ZMYND11: variants seen among roughly 807,000 people sequenced by gnomAD.
The protein encoded by ZMYND11 is zinc finger MYND domain-containing protein 11.
Under a neutral mutation model 84.9 loss-of-function variants are expected in ZMYND11, and 9 were observed. The ratio of observed to expected loss-of-function variants is 0.11; its 90% confidence interval spans 0.06 to 0.18. The LOEUF is 0.18. Among genes scored for constraint, ZMYND11 ranks in the 10% least tolerant of loss-of-function variants. The pLI, the probability that ZMYND11 is intolerant of heterozygous loss-of-function variation, is 1.00. For missense variants in ZMYND11, 409 were observed against 761.0 expected, an observed-to-expected ratio of 0.54 and a Z score of 5.44; for synonymous variants, 250 against 244.1, an observed-to-expected ratio of 1.02 and a Z score of -0.23.
At chr10:176,074 T>G (rs1331144540) in intron 1 of ZMYND11, among the ~76,000 whole-genome samples, 2 of 152,206 alleles carry the variant, frequency 1.3e-5, no homozygotes, top group Non-Finnish European at 2.9e-5. Context: ...TTAATTTTGC[T>G]TATTCTTAAG....
intron 2 of ZMYND11, among the ~76,000 whole-genome samples, chr10:195,040 C>G (rs574373583): frequency 6.6e-6 from 1 of 152,162 alleles, no homozygotes; most frequent in East Asian, 1.9e-4. Flanking sequence ...TAAGTGTTGC[C>G]AATAGATTTT....
intron 1 of ZMYND11, among the ~76,000 whole-genome samples, chr10:152,669 C>T (rs1234310781): frequency 6.6e-6 from 1 of 152,166 alleles, no homozygotes; most frequent in Non-Finnish European, 1.5e-5. Flanking sequence ...AGAAAGTCAA[C>T]AAGGATATCC....
chr10:212,261 T>C (rs1056739729), intron 3 of ZMYND11, among the ~76,000 whole-genome samples: 1 of 152,134 alleles, frequency 6.6e-6, no homozygotes, highest in African/African-American at 2.4e-5. Flanking sequence ...TGTTCTAATT[T>C]TTATTTTTAT....
At chr10:175,166 G>T (rs540636438) in intron 1 of ZMYND11, among the ~76,000 whole-genome samples, 2 of 152,320 alleles carry the variant, frequency 1.3e-5, no homozygotes, top group East Asian at 3.9e-4. Context: ...TCTGGTGTGG[G>T]ATGTTGATAA....
intron 3 of ZMYND11, among the ~76,000 whole-genome samples, chr10:220,891 T>C (rs1947044685): frequency 6.6e-6 from 1 of 152,212 alleles, no homozygotes; most frequent in Non-Finnish European, 1.5e-5. Context: ...AATTATTCCT[T>C]AGATTGTATT....
At position 253,217 on chromosome 10, in the gene ZMYND11, C is replaced by T. The variant is rs1002205909; in HGVS notation, c.*747C>T. 1 of 152,626 alleles carries T rather than the reference C, an allele frequency of 6.6e-6. No individual in the cohort carries two copies. Among genetic ancestry groups the T allele is most frequent in the Admixed American group, 6.5e-5 (1 of 15,292 alleles). The allele number at this position is 152,626 out of a possible 1,614,324, so 9.5% of individuals were successfully genotyped here. ...TTTGCACATTTCATCTTTGTCCTAA[C>T]ATGAGTGCTTGTAACAAAATAAACA... On this transcript the variant is annotated 3_prime_UTR_variant, in exon 15 of 15. Transcript: ENST00000381604.
chr10:223,382 T>G (rs1947488464), intron 4 of ZMYND11, among the ~76,000 whole-genome samples: 1 of 152,150 alleles, frequency 6.6e-6, no homozygotes, highest in Non-Finnish European at 1.5e-5. Flanking sequence ...ATTTAAAAAA[T>G]TTTTACACTG....
chr10:232,452 C>G (rs1219333349), intron 4 of ZMYND11, among the ~76,000 whole-genome samples: 1 of 152,218 alleles, frequency 6.6e-6, no homozygotes, highest in Non-Finnish European at 1.5e-5. Flanking sequence ...TGTTTTGTTC[C>G]TACAAATCAT....
At chr10:162,038 T>C (rs1843044730) in intron 1 of ZMYND11, among the ~76,000 whole-genome samples, 1 of 152,238 alleles carries the variant, frequency 6.6e-6, no homozygotes. Context: ...TTAATCATTT[T>C]TAGTTTTTGA....
chr10:165,566 A>G (rs1843810505), intron 1 of ZMYND11, among the ~76,000 whole-genome samples: 1 of 152,100 alleles, frequency 6.6e-6, no homozygotes, highest in African/African-American at 2.4e-5. Flanking sequence ...ACCTTCTGCA[A>G]ACTTAGTCTC....
At chr10:146,114 C>T (rs1395159691) in intron 1 of ZMYND11, among the ~76,000 whole-genome samples, 1 of 152,144 alleles carries the variant, frequency 6.6e-6, no homozygotes, top group African/African-American at 2.4e-5. Flanking sequence ...CCAGTTTTCC[C>T]AGTACCATTT....
At chr10:245,484 T>G (rs1028287242) in intron 10 of ZMYND11, among the ~76,000 whole-genome samples, 11 of 152,176 alleles carry the variant, frequency 7.2e-5, no homozygotes, top group Non-Finnish European at 1.6e-4. Context: ...TCATATATAC[T>G]TATAGCAGGA....
At chr10:202,640 C>T (rs1013071751) in intron 2 of ZMYND11, among the ~76,000 whole-genome samples, 2 of 152,274 alleles carry the variant, frequency 1.3e-5, no homozygotes, top group South Asian at 2.1e-4. Flanking sequence ...CTAGTTGCGA[C>T]TCATCCTTCA....
chr10:224,859 T>C (rs1264190931), intron 4 of ZMYND11, among the ~76,000 whole-genome samples: 1 of 152,226 alleles, frequency 6.6e-6, no homozygotes, highest in Non-Finnish European at 1.5e-5. Context: ...AGGTGACATA[T>C]GCAAATGCTA....
At chr10:192,604 T>C (rs185216433) in intron 2 of ZMYND11, among the ~76,000 whole-genome samples, 150 of 152,340 alleles carry the variant, frequency 9.8e-4, no homozygotes, top group African/African-American at 3.4e-3. Flanking sequence ...TCCTCCCTGA[T>C]TTCAGGGTAT....
intron 9 of ZMYND11, 108 bp from the exon 10 acceptor site, chr10:241,913 G>GATA: frequency 7.3e-7 from 1 of 1,365,968 alleles, no homozygotes; most frequent in Non-Finnish European, 1.0e-6. Flanking sequence ...AGTTATGAAA[G>GATA]AAATATTTTA....
intron 1 of ZMYND11, among the ~76,000 whole-genome samples, chr10:176,515 T>C (rs1233685016): frequency 1.3e-5 from 2 of 152,150 alleles, no homozygotes; most frequent in Non-Finnish European, 2.9e-5. Context: ...TTTAATAATT[T>C]TATATTGAAG....
chr10:201,086 A>C (rs930826881), intron 2 of ZMYND11, among the ~76,000 whole-genome samples: 2 of 151,864 alleles, frequency 1.3e-5, no homozygotes, highest in African/African-American at 4.8e-5. Context: ...TATTCATTTA[A>C]ATTTCTATCT....
intron 2 of ZMYND11, among the ~76,000 whole-genome samples, chr10:193,242 A>G (rs1292717494): frequency 6.6e-6 from 1 of 152,092 alleles, no homozygotes; most frequent in Non-Finnish European, 1.5e-5. Flanking sequence ...TTACCTTATT[A>G]TCTTATGTTT....
Sources: gnomAD v4.1 joint callset for allele counts (sites outside exome capture counted in the v4.1 genomes callset) on GRCh38, gnomAD v4.1.1 for gene constraint, MANE v1.5 for transcripts, NCBI Gene and HGNC (gene_info 2026-07-23, HGNC 2026-07-21) for gene names.